Variants in RPH3A observed in about 807,000 individuals in gnomAD.
RPH3A encodes the protein rabphilin-3A.
Under a neutral mutation model 102.2 loss-of-function variants are expected in RPH3A, and 48 were observed. The ratio of observed to expected loss-of-function variants is 0.47; its 90% CI spans 0.37 to 0.60. RPH3A has a LOEUF of 0.60. Ranked by LOEUF, RPH3A falls within the 20% of genes least tolerant of loss-of-function variation. The probability of loss-of-function intolerance (pLI) is 0.00; values close to 1 mark genes in which losing one functional copy is unlikely to be tolerated. For synonymous variants in RPH3A, 310 were observed against 324.3 expected (o/e 0.96, Z 0.47); for missense variants, 781 against 910.1 (o/e 0.86, Z 1.83).
At chr12:112,890,166 C>T (rs548418544) in intron 18 of RPH3A, 86 bp downstream of exon 18, 4 of 1,216,488 alleles carry the variant, frequency 3.3e-6, no homozygotes, top group East Asian at 2.3e-5. Flanking sequence ...TCCCTGGCCC[C>T]TTCCTCATCC....
chr12:112,877,445 C>CGTAT (rs1249826226), intron 13 of RPH3A, among the ~76,000 whole-genome samples: 1 of 151,896 alleles, frequency 6.6e-6, no homozygotes, highest in African/African-American at 2.4e-5. Context: ...CACACACACA[C>CGTAT]ACACACACAC....
intron 2 of RPH3A, among the ~76,000 whole-genome samples, chr12:112,813,776 C>T (rs114678961): frequency 4.1e-4 from 63 of 152,288 alleles, no homozygotes; most frequent in African/African-American, 1.3e-3. Flanking sequence ...GTTGAGGGAA[C>T]GGAGGCTCTG....
intron 4 of RPH3A, among the ~76,000 whole-genome samples, chr12:112,837,975 T>A (rs1286623188): frequency 6.6e-6 from 1 of 151,074 alleles, no homozygotes; most frequent in African/African-American, 2.4e-5. Flanking sequence ...AGCACCATGC[T>A]AAGCACCAGG....
At chr12:112,738,647 T>TG (rs2040685982) in intron 1 of RPH3A, among the ~76,000 whole-genome samples, 1 of 152,080 alleles carries the variant, frequency 6.6e-6, no homozygotes, top group South Asian at 2.1e-4. Flanking sequence ...GTTTTTTGTT[T>TG]GGGGAGCTGC....
intron 2 of RPH3A, among the ~76,000 whole-genome samples, chr12:112,807,936 A>G (rs1163611059): frequency 6.6e-6 from 1 of 152,138 alleles, no homozygotes; most frequent in African/African-American, 2.4e-5. Flanking sequence ...TCCCCCCACT[A>G]GAATGTCAGC....
rs770516032 is a variant in RPH3A at position 112,876,788 on chromosome 12, C to G, written c.1093C>G (p.Gln365Glu). ...PYSQASAAAP[Q>E]PAAARQPPPP... ...TTCCCAAGCATCTGCAGCTGCCCCC[C>G]AGCCTGCTGCAGCCCGCCAGCCACC... Residue 365 changes from glutamine to glutamate, a missense_variant, in exon 13 of 22, where the codon CAG becomes GAG. Coordinates refer to ENST00000389385, the MANE Select transcript of RPH3A (RefSeq NM_001143854.2). 3.7e-6 allele frequency: 6 copies of G among 1,610,410 alleles called. No individual in the cohort carries two copies. In the African/African-American group the frequency reaches 4.0e-5, roughly 11 times the overall value.
chr12:112,617,375 C>G (rs544628051), intron 1 of RPH3A, among the ~76,000 whole-genome samples: 1 of 152,152 alleles, frequency 6.6e-6, no homozygotes, highest in Non-Finnish European at 1.5e-5. Flanking sequence ...TGTCATTTAG[C>G]CAGCCTCAGT....
At chr12:112,816,223 G>C (rs1427649059) in intron 2 of RPH3A, among the ~76,000 whole-genome samples, 1 of 152,108 alleles carries the variant, frequency 6.6e-6, no homozygotes, top group Non-Finnish European at 1.5e-5. Flanking sequence ...ACCCCTCCAG[G>C]CTTCAGTTTC....
intron 1 of RPH3A, among the ~76,000 whole-genome samples, chr12:112,741,091 CT>C (rs1186694512): frequency 3.3e-5 from 5 of 152,206 alleles, no homozygotes; most frequent in African/African-American, 7.2e-5. Context: ...TGCCCACCCC[CT>C]GCCTCAGAAC....
Position 112,655,291 on chromosome 12 carries a change from A to G in RPH3A, c.-140+79972A>G, listed in dbSNP as rs2040003097. ...ACAATCAGCTTATCTAGAGTTTCCA[A>G]AAATTCTTCACATCAGCACTTGCAG... On this transcript the variant is annotated intron_variant, in intron 1 of 21. Coordinates refer to the RPH3A transcript ENST00000543106. 2.0e-5 allele frequency among the ~76,000 whole-genome samples: 3 copies of G among 152,230 alleles called. No individual in the cohort carries two copies. The South Asian group carries it at 6.2e-4, about 32-fold the overall frequency.
chr12:112,798,205 A>G (rs1251452965), intron 2 of RPH3A, among the ~76,000 whole-genome samples: 1 of 152,234 alleles, frequency 6.6e-6, no homozygotes, highest in Non-Finnish European at 1.5e-5. Flanking sequence ...TCCAGTGAGC[A>G]AGATAACATG....
chr12:112,655,003 G>A (rs1050630653), intron 1 of RPH3A, among the ~76,000 whole-genome samples: 8 of 152,228 alleles, frequency 5.3e-5, no homozygotes, highest in Non-Finnish European at 8.8e-5. Context: ...TCTTATTCAT[G>A]TGTCATCCAT....
chr12:112,845,131 T>C (rs2042208290), intron 4 of RPH3A, among the ~76,000 whole-genome samples: 1 of 152,150 alleles, frequency 6.6e-6, no homozygotes. Flanking sequence ...TCAGCCTTGA[T>C]TCAGTATGGG....
At chr12:112,850,538 C>T (rs1388605837) in intron 5 of RPH3A, among the ~76,000 whole-genome samples, 1 of 152,140 alleles carries the variant, frequency 6.6e-6, no homozygotes, top group Non-Finnish European at 1.5e-5. Context: ...GCCTGGCTTC[C>T]CAGAGTGGGG....
chr12:112,758,567 G>T (rs1459577196), intron 1 of RPH3A, among the ~76,000 whole-genome samples: 1 of 152,172 alleles, frequency 6.6e-6, no homozygotes, highest in East Asian at 1.9e-4. Flanking sequence ...TGTTCCAATT[G>T]CTATTTCATT....
chr12:112,771,642 C>T (rs1284769598), intron 1 of RPH3A, among the ~76,000 whole-genome samples: 1 of 152,118 alleles, frequency 6.6e-6, no homozygotes, highest in Admixed American at 6.5e-5. Flanking sequence ...TGCCAAATAG[C>T]CTATTGATGG....
intron 1 of RPH3A, among the ~76,000 whole-genome samples, chr12:112,693,403 A>G (rs1286898083): frequency 2.0e-5 from 3 of 152,306 alleles, no homozygotes; most frequent in Middle Eastern, 6.8e-3. Flanking sequence ...CCATTTTTGG[A>G]GTGATCTTTG....
chr12:112,621,355 C>T (rs1224933847), intron 1 of RPH3A, among the ~76,000 whole-genome samples: 54 of 149,668 alleles, frequency 3.6e-4, no homozygotes, highest in Non-Finnish European at 4.1e-4. Flanking sequence ...GTGCGCGCAC[C>T]GTGCGCGAGC....
chr12:112,775,205 A>G (rs1364643995), intron 1 of RPH3A, among the ~76,000 whole-genome samples: 1 of 152,230 alleles, frequency 6.6e-6, no homozygotes, highest in Non-Finnish European at 1.5e-5. Flanking sequence ...CATGTACCCC[A>G]GAACTAAAAA....
Sources: gnomAD v4.1 joint callset for allele counts (sites outside exome capture counted in the v4.1 genomes callset) on GRCh38, gnomAD v4.1.1 for gene constraint, MANE v1.5 for transcripts, NCBI Gene and HGNC (gene_info 2026-07-23, HGNC 2026-07-21) for gene names.